The following TEAD4 variants were observed in gnomAD, a reference collection of about 807,000 sequenced individuals.
TEAD4 encodes the protein transcriptional enhancer factor TEF-3.
In TEAD4, 36 loss-of-function variants were observed where a neutral mutation model predicts 52.4. That is an observed-to-expected ratio of 0.69 (90% CI 0.53 to 0.91). The LOEUF (loss-of-function observed/expected upper bound fraction) is 0.91, where lower values mean the gene tolerates loss of function less well. Ranked by LOEUF, TEAD4 falls within the 40% of genes least tolerant of loss-of-function variation. The pLI is 0.00. For missense variants in TEAD4, 508 were observed against 583.9 expected (o/e 0.87, Z 1.34); for synonymous variants, 220 against 231.0 (o/e 0.95, Z 0.43).
intron 3 of TEAD4, among the ~76,000 whole-genome samples, chr12:2,996,361 C>T (rs2098247144): frequency 6.6e-6 from 1 of 152,150 alleles, no homozygotes; most frequent in South Asian, 2.1e-4. Flanking sequence ...GCTTTGACCA[C>T]TTCTTGCTCT....
In TEAD4 at chr12:2,994,942, C is replaced by T. The variant is rs780501836; in HGVS notation, c.176C>T (p.Pro59Leu). The change falls in exon 3 of 13, where the codon CCG (proline) becomes CTG (leucine). Residue 59 changes from proline (P) to leucine (L), a missense_variant. Pro to Leu is a moderately conservative substitution (Grantham distance 98, BLOSUM62 -3). Transcript: ENST00000359864. This position sits in a 1 kb window ranked among gnomAD's most constrained non-coding sequence, Gnocchi z 4.7. ...TTCCAGGAGGCCCTCGCCATCTACC[C>T]GCCCTGTGGCAGGCGCAAAATCATC... 8.7e-6 allele frequency: 14 copies of T among 1,614,146 alleles called. No homozygotes were observed. In the South Asian group the frequency reaches 1.1e-4, roughly 13 times the overall value.
chr12:3,020,525 C>G, intron 8 of TEAD4, 109 bp from the exon 9 acceptor site: 3 of 1,303,836 alleles, frequency 2.3e-6, no homozygotes, highest in Admixed American at 2.9e-5. Flanking sequence ...GACAGGCGGT[C>G]CCCCCAGGCA....
chr12:2,986,952 T>A lies in TEAD4; in HGVS notation c.-29-7786T>A, dbSNP rs545039436. Among the ~76,000 whole-genome samples, 6 of 152,336 alleles carry A rather than the reference T, an allele frequency of 3.9e-5. No individual in the cohort carries two copies. The South Asian group carries it at 1.2e-3, about 32-fold the overall frequency. Reference sequence around the variant, plus strand: ...CTTTGAATGAACGTTTGGGGCTGACTGAAATTTTGTTATGCAGTGCATGAC... The same window carrying A: ...CTTTGAATGAACGTTTGGGGCTGACAGAAATTTTGTTATGCAGTGCATGAC... On this transcript the variant is annotated intron_variant, in intron 2 of 12. Transcript: ENST00000359864.
rs374061629 is a variant in TEAD4, at chr12:3,025,291, C to G, written c.897+3274C>G. On this transcript the variant is annotated intron_variant, in intron 10 of 12. Transcript: ENST00000359864. ...CCCTACAGTTGTCATCCTGAGCCTC[C>G]CCTATATTGATACAATTTCCTAGCT... 9.2e-5 allele frequency among the ~76,000 whole-genome samples: 14 copies of G among 152,278 alleles called. No individual in the cohort carries two copies. In the East Asian group the frequency reaches 1.2e-3, roughly 13 times the overall value.
At chr12:3,007,863 C>A (rs1262940032) in intron 3 of TEAD4, among the ~76,000 whole-genome samples, 1 of 152,200 alleles carries the variant, frequency 6.6e-6, no homozygotes, top group South Asian at 2.1e-4. Flanking sequence ...TTAAGAGTTA[C>A]GTCGGACTAA....
chr12:3,020,067 C>A (rs961438094), intron 8 of TEAD4, among the ~76,000 whole-genome samples: 1 of 152,200 alleles, frequency 6.6e-6, no homozygotes, highest in African/African-American at 2.4e-5. Flanking sequence ...GTTTATGGTG[C>A]CTTCCTGGCC....
chr12:3,022,055 G>A (rs749270275), intron 10 of TEAD4, 38 bp downstream of exon 10: 22 of 1,607,622 alleles, frequency 1.4e-5, no homozygotes, highest in South Asian at 5.6e-5. Flanking sequence ...TGCCACCAGC[G>A]TGTCCGTGGT....
intron 3 of TEAD4, among the ~76,000 whole-genome samples, chr12:3,006,974 C>G (rs1422685986): frequency 6.6e-6 from 1 of 152,030 alleles, no homozygotes; most frequent in African/African-American, 2.4e-5. Flanking sequence ...TGCGGTAAGC[C>G]GAGATCACAC....
At chr12:2,984,566 T>G (rs2098236557) in intron 2 of TEAD4, among the ~76,000 whole-genome samples, 1 of 152,196 alleles carries the variant, frequency 6.6e-6, no homozygotes. Context: ...ATGTGTCTCT[T>G]GGCGATTTCA....
chr12:2,962,958 G>A (rs1376427289), intron 2 of TEAD4, among the ~76,000 whole-genome samples: 4 of 152,152 alleles, frequency 2.6e-5, no homozygotes, highest in South Asian at 2.1e-4. Flanking sequence ...TCCAACAGGC[G>A]CGGAAGCTGG....
In TEAD4 at chr12:2,994,840, C is replaced by A; in HGVS notation, c.74C>A (p.Ser25Tyr). Residue 25 changes from serine to tyrosine, a missense_variant, in exon 3 of 13, where the codon TCT becomes TAT. Coordinates refer to ENST00000359864, the MANE Select transcript of TEAD4 (RefSeq NM_003213.4). The surrounding 1 kb of genome is among the most constrained non-coding windows in gnomAD (Gnocchi z 4.7). The stretch of plus-strand genomic sequence containing the variant: ...ACCTCCCCTGAGGGGAGCACCGCCT[C>A]TGGGGGCAGTCAGGCACTGGACAAG... 6.2e-7 allele frequency: 1 copy of A among 1,614,048 alleles called. No homozygotes were observed. The highest frequency in any genetic ancestry group is 8.5e-7 in the Non-Finnish European group (1 of 1,180,012).
chr12:2,988,064 T>A (rs1427983610), intron 2 of TEAD4, among the ~76,000 whole-genome samples: 2 of 149,066 alleles, frequency 1.3e-5, no homozygotes, highest in Non-Finnish European at 3.0e-5. Context: ...CAAGACTCCA[T>A]CTCAAAAAAA....
At chr12:2,965,026 C>A (rs994518060) in intron 2 of TEAD4, among the ~76,000 whole-genome samples, 1 of 152,056 alleles carries the variant, frequency 6.6e-6, no homozygotes. Flanking sequence ...CTGCCAGGAC[C>A]TGGAAGGAGG....
intron 2 of TEAD4, among the ~76,000 whole-genome samples, chr12:2,985,784 G>A (rs1031573968): frequency 3.3e-5 from 5 of 151,974 alleles, no homozygotes; most frequent in Admixed American, 1.3e-4. Flanking sequence ...TAACTTTGTC[G>A]TTAAAAACAG....
At chr12:2,984,816 T>C (rs567898801) in intron 2 of TEAD4, among the ~76,000 whole-genome samples, 14 of 152,144 alleles carry the variant, frequency 9.2e-5, no homozygotes, top group Non-Finnish European at 1.9e-4. Context: ...AGATAACAAA[T>C]GGCACACCTG....
At chr12:3,012,594 G>C in intron 5 of TEAD4, among the ~76,000 whole-genome samples, 1 of 152,146 alleles carries the variant, frequency 6.6e-6, no homozygotes, top group East Asian at 1.9e-4. Flanking sequence ...GGCATGGGGG[G>C]GTGCCTGCTG....
rs973577521 is a variant in TEAD4, at chr12:2,994,703, A to G, written c.-29-35A>G. ...ATCCCGTGGCCCACGCAGTTCTTCC[A>G]CTGCTCACCGGGGCTGTGGTTCCTG... On this transcript the variant is annotated intron_variant, in intron 2 of 12. Coordinates refer to ENST00000359864, the MANE Select transcript of TEAD4 (RefSeq NM_003213.4). The surrounding 1 kb of genome is among the most constrained non-coding windows in gnomAD (Gnocchi z 4.7). 7.2e-6 allele frequency: 11 copies of G among 1,520,886 alleles called. No homozygotes were observed. In the African/African-American group the frequency reaches 1.5e-4, roughly 21 times the overall value. The allele number at this position is 1,520,886 out of a possible 1,614,324, so 94.2% of individuals were successfully genotyped here.
chr12:2,994,935 A>G lies in TEAD4; in HGVS notation c.169A>G (p.Ile57Val), dbSNP rs756948709. The change falls in exon 3 of 13, where the codon ATC (isoleucine) becomes GTC (valine). Residue 57 changes from isoleucine to valine, a missense_variant. Coordinates refer to ENST00000359864, the MANE Select transcript of TEAD4 (RefSeq NM_003213.4). This position sits in a 1 kb window ranked among gnomAD's most constrained non-coding sequence, Gnocchi z 4.7. ...GCAGAGTTTCCAGGAGGCCCTCGCC[A>G]TCTACCCGCCCTGTGGCAGGCGCAA... is the stretch of plus-strand genomic sequence containing the variant. 1.9e-6 allele frequency: 3 copies of G among 1,614,162 alleles called. No individual in the cohort carries two copies. The highest frequency in any genetic ancestry group is 2.5e-6 in the Non-Finnish European group (3 of 1,180,016).
intron 2 of TEAD4, among the ~76,000 whole-genome samples, chr12:2,971,814 CT>C (rs34434172): frequency 0.048 from 5,249 of 110,328 alleles, 61 homozygotes; most frequent in South Asian, 0.07. Flanking sequence ...TTCTTTCTTT[CT>C]TTTTTTTTTT....
Sources: allele counts gnomAD v4.1 joint callset (sites outside exome capture counted in the v4.1 genomes callset), GRCh38; gene constraint gnomAD v4.1.1; non-coding constraint Gnocchi (gnomAD v3.1); transcripts MANE v1.5; gene names NCBI Gene and HGNC (gene_info 2026-07-23, HGNC 2026-07-21).